Variants in CACNA1A observed in about 807,000 individuals in gnomAD.
CACNA1A encodes calcium voltage-gated channel subunit alpha1 A.
CACNA1A carries 57 observed loss-of-function variants against 262.4 expected under a neutral mutation model. The observed-to-expected ratio is 0.22, with a 90% CI of 0.18 to 0.27. The LOEUF (loss-of-function observed/expected upper bound fraction) is 0.27. CACNA1A is among the 10% of genes least tolerant of loss of function. The pLI is 1.00. For missense variants in CACNA1A, 2,526 were observed against 3,562.8 expected, an observed-to-expected ratio of 0.71 and a Z score of 7.41; for synonymous variants, 1,431 against 1,419.3, an observed-to-expected ratio of 1.01 and a Z score of -0.18.
chr19:13,240,546 G>A (rs754701604), intron 31 of CACNA1A, among the ~76,000 whole-genome samples: 1 of 149,602 alleles, frequency 6.7e-6, no homozygotes, highest in Non-Finnish European at 1.5e-5. Context: ...ATAGTGGTGT[G>A]TGCAGTGTGT....
intron 3 of CACNA1A, among the ~76,000 whole-genome samples, chr19:13,445,349 T>A (rs8108191): frequency 6.6e-6 from 1 of 152,222 alleles, no homozygotes; most frequent in Non-Finnish European, 1.5e-5. Flanking sequence ...AGAGCTTCTC[T>A]GTCTTATATC....
chr19:13,424,036 A>C (rs2060358793), intron 3 of CACNA1A, among the ~76,000 whole-genome samples: 1 of 151,908 alleles, frequency 6.6e-6, no homozygotes, highest in Non-Finnish European at 1.5e-5. Flanking sequence ...CTTCCCTTTC[A>C]TACCACCTTC....
chr19:13,485,343 T>C (rs1463521175), intron 1 of CACNA1A, among the ~76,000 whole-genome samples: 1 of 152,036 alleles, frequency 6.6e-6, no homozygotes, highest in Admixed American at 6.5e-5. Context: ...TTAAATAAGA[T>C]ACAAAGCCCA....
chr19:13,410,269 CA>C, intron 3 of CACNA1A, among the ~76,000 whole-genome samples: 1 of 151,872 alleles, frequency 6.6e-6, no homozygotes, highest in Non-Finnish European at 1.5e-5. Context: ...CTCTGTTGTC[CA>C]GCCTGGAGTG....
Position 13,491,157 on chromosome 19 carries a change from T to G in CACNA1A, c.293+14775A>C, listed in dbSNP as rs79922648. ...CGGAGAAAACTTGAGTATTTTTCCC[T>G]CTGGGTTTTTATCCTTGCTGTGCCT... On this transcript the variant is annotated intron_variant, in intron 1 of 46. Coordinates refer to ENST00000360228, the MANE Select transcript of CACNA1A (RefSeq NM_001127222.2). Among the ~76,000 whole-genome samples, 309 of 152,326 alleles carry G rather than the reference T, an allele frequency of 2.0e-3. 2 individuals are homozygous for G. The highest frequency in any genetic ancestry group is 6.9e-3 in the African/African-American group (288 of 41,576).
At chr19:13,497,170 C>G (rs1981631335) in intron 1 of CACNA1A, among the ~76,000 whole-genome samples, 1 of 151,956 alleles carries the variant, frequency 6.6e-6, no homozygotes, top group Non-Finnish European at 1.5e-5. Context: ...TTGACCCAGC[C>G]TCTTAGAGAA....
At chr19:13,394,699 C>T (rs1208346010) in intron 3 of CACNA1A, among the ~76,000 whole-genome samples, 4 of 152,096 alleles carry the variant, frequency 2.6e-5, no homozygotes, top group African/African-American at 9.7e-5. Flanking sequence ...GCGCCTATAC[C>T]CACTTCACTG....
At chr19:13,492,402 A>G (rs934573443) in intron 1 of CACNA1A, among the ~76,000 whole-genome samples, 5 of 152,198 alleles carry the variant, frequency 3.3e-5, no homozygotes, top group African/African-American at 1.2e-4. Flanking sequence ...AAATCAAGGG[A>G]GGGCAAGCCT....
chr19:13,278,906 G>A (rs1287251784), intron 22 of CACNA1A, among the ~76,000 whole-genome samples: 3 of 152,110 alleles, frequency 2.0e-5, no homozygotes, highest in African/African-American at 7.2e-5. Flanking sequence ...GCTGGTGCAA[G>A]GGGATTGGCT....
At chr19:13,487,487 G>C (rs1980159289) in intron 1 of CACNA1A, among the ~76,000 whole-genome samples, 1 of 152,082 alleles carries the variant, frequency 6.6e-6, no homozygotes, top group Admixed American at 6.5e-5. Context: ...GCCAGGGGCT[G>C]GGGGAGCGGG....
intron 3 of CACNA1A, among the ~76,000 whole-genome samples, chr19:13,377,127 T>C (rs889611224): frequency 7.3e-5 from 11 of 151,560 alleles, no homozygotes; most frequent in Admixed American, 5.9e-4. Context: ...GCCTGGCTAA[T>C]TTTTTTGTAT....
At chr19:13,344,904 A>G (rs2058737680) in intron 6 of CACNA1A, among the ~76,000 whole-genome samples, 1 of 151,480 alleles carries the variant, frequency 6.6e-6, no homozygotes, top group Admixed American at 6.6e-5. Flanking sequence ...ACAGGCACGC[A>G]CCACCACGCT....
At position 13,346,654 on chromosome 19, in the gene CACNA1A, A is replaced by T. The variant is rs1568557573; in HGVS notation, c.979-10745T>A. Among the ~76,000 whole-genome samples, 18 of 5,536 alleles carry T rather than the reference A, an allele frequency of 3.3e-3. 2 individuals are homozygous for T. Among genetic ancestry groups the T allele is most frequent in the Admixed American group, 0.011 (3 of 276 alleles). 3.6% of individuals were successfully genotyped at this position (5,536 alleles called of 152,430 possible). A position where few individuals can be genotyped will look rare whatever the true frequency, so the allele number is the denominator to read the frequency against. On this transcript the variant is annotated intron_variant, in intron 6 of 46. Coordinates refer to ENST00000360228, the MANE Select transcript of CACNA1A (RefSeq NM_001127222.2). ...TATATATATATATATATATATATATATATATATATATATTTTTTTTTTTTT... is the reference window on the plus strand; with the variant it reads ...TATATATATATATATATATATATATTTATATATATATATTTTTTTTTTTTT...
At chr19:13,299,374 G>A (rs775734396) in intron 18 of CACNA1A, 21 bp from the exon 19 acceptor site, 3 of 1,595,426 alleles carry the variant, frequency 1.9e-6, no homozygotes, top group South Asian at 2.2e-5. Flanking sequence ...ATGGTCACAG[G>A]ACTTAGAGCA....
intron 29 of CACNA1A, 110 bp downstream of exon 29, chr19:13,254,985 A>G (rs565025631): frequency 1.8e-6 from 2 of 1,129,848 alleles, no homozygotes; most frequent in Admixed American, 4.0e-5. Flanking sequence ...CTCAGAGGTG[A>G]TCCAGAGTGT....
At chr19:13,325,580 G>A (rs968358868) in intron 10 of CACNA1A, among the ~76,000 whole-genome samples, 2 of 152,090 alleles carry the variant, frequency 1.3e-5, no homozygotes, top group Non-Finnish European at 2.9e-5. Flanking sequence ...GATTACAGGC[G>A]CCCGCCTCCA....
intron 17 of CACNA1A, among the ~76,000 whole-genome samples, chr19:13,302,549 G>C (rs1250844446): frequency 6.6e-6 from 1 of 152,204 alleles, no homozygotes; most frequent in Non-Finnish European, 1.5e-5. Flanking sequence ...ATCAATGAAA[G>C]AAAGAATGTG....
intron 3 of CACNA1A, among the ~76,000 whole-genome samples, chr19:13,385,229 TC>T (rs201397895): frequency 0.013 from 1,918 of 146,636 alleles, 93 homozygotes; most frequent in African/African-American, 0.043. Flanking sequence ...ATTCTTTCTT[TC>T]TTTTTTTTTT....
At chr19:13,422,436 G>A (rs192084841) in intron 3 of CACNA1A, among the ~76,000 whole-genome samples, 32 of 152,318 alleles carry the variant, frequency 2.1e-4, no homozygotes, top group South Asian at 2.1e-4. Flanking sequence ...ACCTTGAGAG[G>A]ACTTGACAAG....
Sources: gnomAD v4.1 joint callset for allele counts (sites outside exome capture counted in the v4.1 genomes callset) on GRCh38, gnomAD v4.1.1 for gene constraint, MANE v1.5 for transcripts, NCBI Gene and HGNC (gene_info 2026-07-23, HGNC 2026-07-21) for gene names.